Variants in C13orf46 observed in about 807,000 individuals in gnomAD.
C13orf46 encodes uncharacterized protein C13orf46.
chr13:113,932,867 T>TA, the C13orf46 span, among the ~76,000 whole-genome samples: 1 of 152,170 alleles, frequency 6.6e-6, no homozygotes, highest in African/African-American at 2.4e-5. Flanking sequence ...TATGACCTAT[T>TA]ACAATTTTTT....
chr13:113,942,850 C>T, the C13orf46 span, among the ~76,000 whole-genome samples: 1 of 152,218 alleles, frequency 6.6e-6, no homozygotes, highest in Non-Finnish European at 1.5e-5. Context: ...CTTGGACTCC[C>T]TGATGCCTCT....
chr13:113,963,589 G>A (rs935074476), intron 6 of C13orf46, among the ~76,000 whole-genome samples: 1 of 127,008 alleles, frequency 7.9e-6, no homozygotes, highest in African/African-American at 3.0e-5. Flanking sequence ...CCTCAGCCTC[G>A]GCCCCTGTCC....
At chr13:113,958,320 A>ATGAGGC (rs1213461560) in intron 6 of C13orf46, among the ~76,000 whole-genome samples, 1 of 152,186 alleles carries the variant, frequency 6.6e-6, no homozygotes, top group Non-Finnish European at 1.5e-5. Flanking sequence ...TGAGTGGCGG[A>ATGAGGC]TGAGAAGCCC....
chr13:113,944,551 C>CCT, the C13orf46 span, among the ~76,000 whole-genome samples: 2 of 151,266 alleles, frequency 1.3e-5, no homozygotes, highest in African/African-American at 4.9e-5. Flanking sequence ...TGTGATGAGT[C>CCT]CTGCAGGTGT....
chr13:113,934,648 C>G, the C13orf46 span, among the ~76,000 whole-genome samples: 4 of 152,250 alleles, frequency 2.6e-5, no homozygotes, highest in African/African-American at 9.6e-5. Context: ...GGACTCTGGG[C>G]AAGTGCTCGA....
chr13:113,936,197 C>T, the C13orf46 span, among the ~76,000 whole-genome samples: 1 of 152,328 alleles, frequency 6.6e-6, no homozygotes, highest in East Asian at 1.9e-4. Context: ...GAGCAAGTAA[C>T]TGCCAGCGGC....
intron 6 of C13orf46, among the ~76,000 whole-genome samples, chr13:113,957,864 TG>T (rs1161619550): frequency 7.6e-5 from 10 of 132,336 alleles, no homozygotes; most frequent in African/African-American, 2.3e-4. Flanking sequence ...TCAAGCGCAC[TG>T]GGGGTCTCCC....
downstream of C13orf46, among the ~76,000 whole-genome samples, chr13:113,950,932 G>A (rs1198796660): frequency 5.3e-5 from 8 of 152,250 alleles, no homozygotes; most frequent in South Asian, 2.1e-4. Flanking sequence ...TGTCCGTGGC[G>A]CTGGCGAGGC....
chr13:113,937,042 G>C, the C13orf46 span, among the ~76,000 whole-genome samples: 1 of 152,268 alleles, frequency 6.6e-6, no homozygotes, highest in East Asian at 1.9e-4. Context: ...GAGTTTTGCG[G>C]AAGGGTTATT....
intron 2 of C13orf46, among the ~76,000 whole-genome samples, chr13:113,969,121 T>C (rs1227249112): frequency 1.3e-5 from 2 of 152,266 alleles, no homozygotes; most frequent in African/African-American, 4.8e-5. Flanking sequence ...TCCATGTGGA[T>C]ACCAAATGGG....
chr13:113,935,693 C>T, the C13orf46 span, among the ~76,000 whole-genome samples: 8,108 of 152,314 alleles, frequency 0.053, 287 homozygotes, highest in African/African-American at 0.087. Flanking sequence ...GGGTAAACTG[C>T]ATACGTGCCC....
chr13:113,951,519 G>A (rs978733850), downstream of C13orf46, among the ~76,000 whole-genome samples: 12 of 152,304 alleles, frequency 7.9e-5, no homozygotes, highest in African/African-American at 2.2e-4. Flanking sequence ...GATCCCGGCC[G>A]GGTTTCCAGA....
the C13orf46 span, among the ~76,000 whole-genome samples, chr13:113,931,146 G>A: frequency 6.6e-6 from 1 of 152,362 alleles, no homozygotes; most frequent in South Asian, 2.1e-4. Context: ...GACGCCAGAC[G>A]TGACTGGCAC....
intron 6 of C13orf46, among the ~76,000 whole-genome samples, chr13:113,959,469 T>A (rs2052570763): frequency 6.6e-6 from 1 of 152,070 alleles, no homozygotes; most frequent in Non-Finnish European, 1.5e-5. Context: ...TGACTCCCAG[T>A]GGGAAATGAA....
intron 6 of C13orf46, among the ~76,000 whole-genome samples, chr13:113,957,104 C>A (rs1450437389): frequency 1.3e-5 from 2 of 150,710 alleles, no homozygotes. Flanking sequence ...GTCTCCCCTG[C>A]ACCTGCATAT....
chr13:113,959,820 T>G (rs914111450), intron 6 of C13orf46, among the ~76,000 whole-genome samples: 2 of 152,222 alleles, frequency 1.3e-5, no homozygotes, highest in African/African-American at 4.8e-5. Context: ...AAAAGAAGTG[T>G]AGGACAAAGC....
rs1358387860 is a variant in C13orf46, at chr13:113,965,764, ATGATGG to A, written c.505-776_505-771del. The stretch of plus-strand genomic sequence containing the variant: ...GATGATGGTGATGATGGTGATGGTG[ATGATGG>A]TGATGGTGATGATGGTAATTATAAT... On this transcript the variant is annotated intron_variant, in intron 5 of 6. Coordinates refer to ENST00000636427, the MANE Select transcript of C13orf46 (RefSeq NM_001365455.2). 3.6e-5 allele frequency among the ~76,000 whole-genome samples: 5 copies of A among 140,572 alleles called. No individual in the cohort carries two copies. The East Asian group carries it at 8.3e-4, about 23-fold the overall frequency. The allele number at this position is 140,572 out of a possible 152,430, so 92.2% of individuals were successfully genotyped here.
At chr13:113,953,154 C>A (rs1169315347), downstream of C13orf46, among the ~76,000 whole-genome samples, 2 of 152,326 alleles carry the variant, frequency 1.3e-5, no homozygotes, top group Admixed American at 1.3e-4. Context: ...AGCCCCATTC[C>A]TTGGGTGTGT....
Position 113,955,408 on chromosome 13 carries a change from G to A in C13orf46, c.*1365C>T. 1 of 169,666 alleles carries A rather than the reference G, an allele frequency of 5.9e-6. No homozygotes were observed. Among genetic ancestry groups the A allele is most frequent in the Non-Finnish European group, 1.2e-5 (1 of 81,122 alleles). The allele number at this position is 169,666 out of a possible 1,614,324, so 10.5% of individuals were successfully genotyped here. A position where few individuals can be genotyped will look rare whatever the true frequency, so the allele number is the denominator to read the frequency against. ...ATCCGGCGGAGACGAGGAGCATCCG[G>A]CGGTGACGAGGAGCATCCGGCGGAG... On this transcript the variant is annotated 3_prime_UTR_variant, in exon 7 of 7. Transcript: ENST00000636427.
Sources: allele counts gnomAD v4.1 joint callset (sites outside exome capture counted in the v4.1 genomes callset), GRCh38; gene constraint gnomAD v4.1.1; transcripts MANE v1.5; gene names NCBI Gene and HGNC (gene_info 2026-07-23, HGNC 2026-07-21).